Variants in AMBN observed in about 807,000 individuals in gnomAD.
AMBN encodes the protein ameloblastin, also known as enamel matrix protein.
AMBN carries 54 observed loss-of-function variants against 48.0 expected under a neutral mutation model. The ratio of observed to expected loss-of-function variants is 1.12; its 90% CI spans 0.90 to 1.41. The LOEUF is 1.41. Ranked by LOEUF, AMBN falls within the 40% of genes most tolerant of loss-of-function variation. The probability of loss-of-function intolerance (pLI) is 0.00; values close to 1 mark genes in which losing one functional copy is unlikely to be tolerated. For missense variants in AMBN, 571 were observed against 547.3 expected, an observed-to-expected ratio of 1.04 and a Z score of -0.43; for synonymous variants, 186 against 190.0, an observed-to-expected ratio of 0.98 and a Z score of 0.17.
intron 5 of AMBN, 57 bp downstream of exon 5, chr4:70,599,703 T>C: frequency 7.6e-7 from 1 of 1,318,336 alleles, no homozygotes; most frequent in South Asian, 1.4e-5. Flanking sequence ...TCTTCTTACT[T>C]GCCTTCTTTA....
At chr4:70,602,928 G>A in intron 8 of AMBN, 44 bp from the exon 9 acceptor site, 1 of 1,542,566 alleles carries the variant, frequency 6.5e-7, no homozygotes, top group Non-Finnish European at 8.8e-7. Context: ...TATCTATTTT[G>A]TTCCTTTTTT....
At chr4:70,599,913 G>A (rs929808247) in intron 5 of AMBN, among the ~76,000 whole-genome samples, 3 of 152,056 alleles carry the variant, frequency 2.0e-5, no homozygotes, top group African/African-American at 7.2e-5. Context: ...AACAATCCTC[G>A]AAAATCAAAG....
chr4:70,599,470 C>T, intron 4 of AMBN, 66 bp from the exon 5 acceptor site: 2 of 1,199,780 alleles, frequency 1.7e-6, no homozygotes, highest in East Asian at 2.6e-5. Context: ...AAAGGAAAAC[C>T]AAATATAACC....
chr4:70,604,155 T>C (rs1737588360), intron 12 of AMBN, among the ~76,000 whole-genome samples: 1 of 152,160 alleles, frequency 6.6e-6, no homozygotes, highest in Non-Finnish European at 1.5e-5. Flanking sequence ...TTTTGCCCCA[T>C]TGCTTGTAGA....
In AMBN at chr4:70,602,541, T is replaced by G. The variant is rs71599964; in HGVS notation, c.532-83T>G. ...AGATAAGGATGTGATCAGTTCACTT[T>G]GTCTATTTTTTTATTTTTAATGTCA... On this transcript the variant is annotated intron_variant, in intron 6 of 12. Coordinates refer to ENST00000322937, the MANE Select transcript of AMBN (RefSeq NM_016519.6). 5.3e-5 allele frequency: 52 copies of G among 987,152 alleles called. No individual in the cohort carries two copies. In the African/African-American group the frequency reaches 7.6e-4, roughly 14 times the overall value. 61.1% of individuals were successfully genotyped at this position (987,152 alleles called of 1,614,324 possible). A position where few individuals can be genotyped will look rare whatever the true frequency, so the allele number is the denominator to read the frequency against.
intron 2 of AMBN, among the ~76,000 whole-genome samples, chr4:70,595,190 CTT>C (rs367866356): frequency 1.9e-4 from 23 of 119,022 alleles, no homozygotes; most frequent in Admixed American, 2.8e-4. Flanking sequence ...TCCCTCTATT[CTT>C]TTTTTTTTTT....
intron 12 of AMBN, among the ~76,000 whole-genome samples, chr4:70,605,826 C>T (rs554781199): frequency 1.3e-5 from 2 of 152,140 alleles, no homozygotes; most frequent in Non-Finnish European, 2.9e-5. Flanking sequence ...GATTCTCGCT[C>T]AACAAATGCA....
chr4:70,599,137 T>C (rs1043240236), intron 4 of AMBN, among the ~76,000 whole-genome samples: 2 of 152,096 alleles, frequency 1.3e-5, no homozygotes, highest in Admixed American at 6.5e-5. Context: ...TGCTATGTGT[T>C]GATTTTTTAG....
At chr4:70,603,538 C>T (rs1737576384) in intron 11 of AMBN, 78 bp downstream of exon 11, 3 of 1,373,560 alleles carry the variant, frequency 2.2e-6, no homozygotes, top group Non-Finnish European at 2.0e-6. Context: ...ATCTAGGTCT[C>T]ACACAAGAGA....
Position 70,606,525 on chromosome 4 carries a change from C to T in AMBN, c.1139C>T (p.Pro380Leu). Reference protein sequence around the residue: ...GKMKGLPSVTPAAADPLMTPE... With the variant: ...GKMKGLPSVTLAAADPLMTPE... Reference sequence around the variant, plus strand: ...ATGAAGGGACTCCCCAGCGTCACCCCAGCAGCTGCTGACCCACTGATGACC... The same window carrying T: ...ATGAAGGGACTCCCCAGCGTCACCCTAGCAGCTGCTGACCCACTGATGACC... Residue 380 changes from proline to leucine, a missense_variant, in exon 13 of 13, where the codon CCA becomes CTA. By Grantham distance (98) the Pro-to-Leu change is moderately conservative. Transcript: ENST00000322937. The T allele has an allele frequency of 1.2e-6, 2 of 1,614,146 alleles. No individual in the cohort carries two copies. Among genetic ancestry groups the T allele is most frequent in the South Asian group, 1.1e-5 (1 of 91,084 alleles).
chr4:70,593,275 A>G, intron 1 of AMBN, 52 bp from the exon 2 acceptor site: 1 of 1,464,354 alleles, frequency 6.8e-7, no homozygotes. Flanking sequence ...TCTTTTAACC[A>G]TTCTGAATAA....
In AMBN at chr4:70,601,569, A is replaced by T; in HGVS notation, c.446A>T (p.His149Leu). The T allele has an allele frequency of 3.1e-6, 5 of 1,614,074 alleles. No homozygotes were observed. The highest frequency in any genetic ancestry group is 4.2e-6 in the Non-Finnish European group (5 of 1,179,982). Residue 149 changes from histidine to leucine, a missense_variant, in exon 6 of 13, where the codon CAC becomes CTC. Physicochemically the swap from His to Leu is moderately conservative, Grantham distance 99 (BLOSUM62 -3). Coordinates refer to ENST00000322937, the MANE Select transcript of AMBN (RefSeq NM_016519.6). ...ALKEALQPPI[H>L]LGHLPLQEGE... is the part of the protein sequence containing the mutation. ...AAAGAAGCACTTCAGCCTCCAATTC[A>T]CCTGGGACATCTGCCCTTGCAGGAA...
At chr4:70,597,867 G>A (rs1663790799) in intron 3 of AMBN, among the ~76,000 whole-genome samples, 1 of 152,150 alleles carries the variant, frequency 6.6e-6, no homozygotes, top group Admixed American at 6.5e-5. Context: ...AATCTATCCA[G>A]ATACTTAACA....
At position 70,599,726 on chromosome 4, in the gene AMBN, T is replaced by C. The variant is rs1424755379; in HGVS notation, c.294+80T>C. On this transcript the variant is annotated intron_variant, in intron 5 of 12. Transcript: ENST00000322937. ...CTTGCCTTCTTTAAGTTATGATATATTAGAAACAGCCAAGTCCTAGCATTA... is the reference window on the plus strand; with the variant it reads ...CTTGCCTTCTTTAAGTTATGATATACTAGAAACAGCCAAGTCCTAGCATTA... 5 of 1,060,964 alleles carry C rather than the reference T, an allele frequency of 4.7e-6. No homozygotes were observed. In the Admixed American group the frequency reaches 1.3e-4, roughly 28 times the overall value. The allele number at this position is 1,060,964 out of a possible 1,614,324, so 65.7% of individuals were successfully genotyped here.
At chr4:70,602,711 T>C in intron 7 of AMBN, 49 bp downstream of exon 7, 1 of 1,514,188 alleles carries the variant, frequency 6.6e-7, no homozygotes, top group Non-Finnish European at 8.9e-7. Context: ...TTTTTTAATT[T>C]TTATTTGTTC....
intron 5 of AMBN, among the ~76,000 whole-genome samples, chr4:70,601,054 C>T (rs78115903): frequency 0.14 from 21,514 of 152,158 alleles, 1,819 homozygotes; most frequent in South Asian, 0.22. Context: ...TCTCCGTTGA[C>T]TGGGGGACAA....
chr4:70,593,509 G>A lies in AMBN; in HGVS notation c.84+114G>A, dbSNP rs1737321307. ...GCATAGACTCACTTGATTTAATCCA[G>A]TGGTTTAGTCCTATTGAGTCAAAAG... is the stretch of plus-strand genomic sequence containing the variant. On this transcript the variant is annotated intron_variant, in intron 2 of 12. Coordinates refer to ENST00000322937, the MANE Select transcript of AMBN (RefSeq NM_016519.6). The A allele has an allele frequency of 3.3e-6, 3 of 908,996 alleles. No individual in the cohort carries two copies. The East Asian group carries it at 7.8e-5, about 24-fold the overall frequency. 56.3% of individuals were successfully genotyped at this position (908,996 alleles called of 1,614,324 possible). A position where few individuals can be genotyped will look rare whatever the true frequency, so the allele number is the denominator to read the frequency against.
intron 4 of AMBN, among the ~76,000 whole-genome samples, chr4:70,599,076 T>C (rs1335213151): frequency 6.6e-6 from 1 of 151,416 alleles, no homozygotes; most frequent in African/African-American, 2.4e-5. Flanking sequence ...CGTCCAGCCA[T>C]ACCTATCCAT....
chr4:70,603,294 C>A lies in AMBN; in HGVS notation c.683C>A (p.Pro228Gln). 6.2e-7 allele frequency: 1 copy of A among 1,613,598 alleles called. No homozygotes were observed. The highest frequency in any genetic ancestry group is 8.5e-7 in the Non-Finnish European group (1 of 1,179,808). ...ATAGCCCGTTTGATTTCTCACGGAC[C>A]AATGCCACAAAATAAACAATCTCCA... is the stretch of plus-strand genomic sequence containing the variant. The part of the protein sequence containing the change: ...FQIARLISHG[P>Q]MPQNKQSPLY... Residue 228 changes from proline (P) to glutamine (Q), a missense_variant, in exon 10 of 13, where the codon CCA becomes CAA. Pro to Gln is a moderately conservative substitution (Grantham distance 76). Transcript: ENST00000322937.
Sources: gnomAD v4.1 joint callset for allele counts (sites outside exome capture counted in the v4.1 genomes callset) on GRCh38, gnomAD v4.1.1 for gene constraint, MANE v1.5 for transcripts, NCBI Gene and HGNC (gene_info 2026-07-23, HGNC 2026-07-21) for gene names.